SYNPO2: variants seen among roughly 807,000 people sequenced by gnomAD.
SYNPO2 encodes the protein synaptopodin 2, also known as synaptopodin-2.
Under a neutral mutation model 85.0 loss-of-function variants are expected in SYNPO2, and 56 were observed. The observed-to-expected ratio is 0.66, with a 90% CI of 0.53 to 0.82. The LOEUF (loss-of-function observed/expected upper bound fraction) is 0.82, where lower values mean the gene tolerates loss of function less well. SYNPO2 is among the 40% of genes least tolerant of loss of function. The probability of loss-of-function intolerance (pLI) is 0.00; values close to 1 mark genes in which losing one functional copy is unlikely to be tolerated. For synonymous variants in SYNPO2, 602 were observed against 591.1 expected, an observed-to-expected ratio of 1.02 and a Z score of -0.27; for missense variants, 1,575 against 1,534.2, an observed-to-expected ratio of 1.03 and a Z score of -0.44.
chr4:118,928,755 C>T (rs542111346), intron 1 of SYNPO2, among the ~76,000 whole-genome samples: 4 of 152,212 alleles, frequency 2.6e-5, no homozygotes, highest in Admixed American at 2.0e-4. Flanking sequence ...TCTTGGGATA[C>T]TGTGAGACAA....
At chr4:118,921,779 G>A (rs1205020081) in intron 1 of SYNPO2, among the ~76,000 whole-genome samples, 1 of 148,404 alleles carries the variant, frequency 6.7e-6, no homozygotes, top group Admixed American at 6.8e-5. Context: ...CTTTTCATAT[G>A]CACACACACA....
chr4:119,031,777 C>T lies in SYNPO2; in HGVS notation c.3002C>T (p.Ala1001Val), dbSNP rs536487969. The change falls in exon 4 of 5, where the codon GCC becomes GTC. Residue 1001 changes from alanine (A) to valine (V), a missense_variant. Around this residue, in one of 3 missense-constraint regions of SYNPO2, gnomAD observed 1,508 missense variants for 1,446.8 expected, o/e 1.04. Transcript: ENST00000307142. Reference protein sequence around the residue: ...KSSVKVNSALAMKQALPPRPV... With the variant: ...KSSVKVNSALVMKQALPPRPV... ...TCAGTCAAGGTCAATTCAGCCCTGG[C>T]CATGAAGCAAGCTCTTCCTCCCCGG... 1 of 1,614,224 alleles carries T rather than the reference C, an allele frequency of 6.2e-7. No individual in the cohort carries two copies. Among genetic ancestry groups the T allele is most frequent in the East Asian group, 2.2e-5 (1 of 44,882 alleles).
At chr4:118,905,682 C>T (rs376355628) in intron 1 of SYNPO2, among the ~76,000 whole-genome samples, 10 of 152,270 alleles carry the variant, frequency 6.6e-5, no homozygotes, top group East Asian at 5.8e-4. Context: ...TATCCTCCTC[C>T]CTTTCCCTGG....
intron 1 of SYNPO2, among the ~76,000 whole-genome samples, chr4:118,896,339 C>T (rs1236611600): frequency 6.6e-6 from 1 of 152,044 alleles, no homozygotes; most frequent in Non-Finnish European, 1.5e-5. Context: ...AAAATGGAAC[C>T]AGTCTGCTTA....
At chr4:118,923,888 CAAA>C (rs35102295) in intron 1 of SYNPO2, among the ~76,000 whole-genome samples, 45 of 128,812 alleles carry the variant, frequency 3.5e-4, no homozygotes, top group East Asian at 4.6e-4. Flanking sequence ...AGACTGCACT[CAAA>C]AAAAAAAAAA....
chr4:119,015,790 A>C (rs895011733), intron 1 of SYNPO2, among the ~76,000 whole-genome samples: 5 of 152,226 alleles, frequency 3.3e-5, no homozygotes, highest in African/African-American at 1.2e-4. Context: ...GAGCAGAGGC[A>C]TTAAATCCTA....
At chr4:119,032,782 G>A in intron 4 of SYNPO2, 1 of 866,282 alleles carries the variant, frequency 1.2e-6, no homozygotes, top group Non-Finnish European at 1.4e-6. Flanking sequence ...CACTTTGGGA[G>A]GCTGAGGTAG....
At chr4:118,902,450 AAGGGGTTTCCCCTTATAAAACCATC>A (rs1262117524) in intron 1 of SYNPO2, among the ~76,000 whole-genome samples, 1 of 152,204 alleles carries the variant, frequency 6.6e-6, no homozygotes, top group Non-Finnish European at 1.5e-5. Flanking sequence ...AGCCAAGCAA[AAGGGGTTTCCCCTTATAAAACCATC>A]AGATCTGGTG....
At chr4:119,028,773 A>T (rs549054623) in intron 3 of SYNPO2, among the ~76,000 whole-genome samples, 1 of 151,660 alleles carries the variant, frequency 6.6e-6, no homozygotes. Context: ...ATAGTCAAAA[A>T]TTTTTTCTTA....
chr4:118,884,819 GATAGAATTCTGA>G (rs1282954602), upstream of SYNPO2, among the ~76,000 whole-genome samples: 5 of 152,116 alleles, frequency 3.3e-5, no homozygotes, highest in Admixed American at 3.3e-4. Context: ...TAGACTTGGG[GATAGAATTCTGA>G]ATAAGTCAGC....
At chr4:118,884,385 C>T (rs149608795), upstream of SYNPO2, among the ~76,000 whole-genome samples, 555 of 152,290 alleles carry the variant, frequency 3.6e-3, 3 homozygotes, top group African/African-American at 0.013. Flanking sequence ...CTTGCCCTGA[C>T]GGCAATCCAG....
chr4:119,006,322 A>T (rs1302826186), intron 1 of SYNPO2: 1 of 152,252 alleles, frequency 6.6e-6, no homozygotes, highest in African/African-American at 2.4e-5. Context: ...TTACGAGAAC[A>T]CAAAGTATCC....
intron 1 of SYNPO2, among the ~76,000 whole-genome samples, chr4:118,943,072 A>C (rs929121738): frequency 6.6e-6 from 1 of 151,352 alleles, no homozygotes; most frequent in African/African-American, 2.4e-5. Context: ...ATGCCACTGC[A>C]CTCCAGCTTG....
Position 118,992,985 on chromosome 4 carries a change from G to C in SYNPO2, c.106-30445G>C, listed in dbSNP as rs145750128. On this transcript the variant is annotated intron_variant, in intron 1 of 4. Coordinates refer to ENST00000307142, the MANE Select transcript of SYNPO2 (RefSeq NM_133477.3). The stretch of plus-strand genomic sequence containing the variant: ...CATTCTCTACTCTGGACCCTGGGTG[G>C]GTGGTTGGGCAAAGCTAGATTCATC... 5.3e-5 allele frequency among the ~76,000 whole-genome samples: 8 copies of C among 152,208 alleles called. No homozygotes were observed. The East Asian group carries it at 1.5e-3, about 29-fold the overall frequency.
chr4:118,937,468 T>C (rs1734148306), intron 1 of SYNPO2, among the ~76,000 whole-genome samples: 1 of 152,126 alleles, frequency 6.6e-6, no homozygotes, highest in Admixed American at 6.5e-5. Context: ...TCCAAAAATA[T>C]CCTCTAATTT....
intron 1 of SYNPO2, among the ~76,000 whole-genome samples, chr4:119,003,631 T>G (rs1233476786): frequency 6.6e-6 from 1 of 152,218 alleles, no homozygotes; most frequent in African/African-American, 2.4e-5. Flanking sequence ...ACATTAGTAA[T>G]AACATTTTTT....
chr4:118,961,099 G>GCCCCCCCC (rs60796554), intron 1 of SYNPO2, among the ~76,000 whole-genome samples: 1 of 94,618 alleles, frequency 1.1e-5, no homozygotes, highest in Non-Finnish European at 2.0e-5. Flanking sequence ...CTATTTTACC[G>GCCCCCCCC]CCCCCCCCCC....
chr4:119,035,750 G>A (rs1738481419), intron 4 of SYNPO2: 3 of 981,952 alleles, frequency 3.1e-6, no homozygotes, highest in African/African-American at 1.8e-5. Flanking sequence ...AGCAGGCATT[G>A]TAGGACAGCT....
chr4:118,883,370 G>A (rs899562153), intron 1 of SYNPO2, among the ~76,000 whole-genome samples: 6 of 151,930 alleles, frequency 3.9e-5, no homozygotes, highest in Non-Finnish European at 5.9e-5. Flanking sequence ...ATTGAATTAG[G>A]AAAATAAAAA....
Sources: gnomAD v4.1 joint callset for allele counts (sites outside exome capture counted in the v4.1 genomes callset) on GRCh38, gnomAD v4.1.1 for gene constraint, gnomAD v4.1.1 regional missense constraint, MANE v1.5 for transcripts, NCBI Gene and HGNC (gene_info 2026-07-23, HGNC 2026-07-21) for gene names.